The following DHX30 variants were observed in gnomAD, a reference collection of about 807,000 sequenced individuals.
The protein encoded by DHX30 is DExH-box helicase 30, also known as ATP-dependent RNA helicase DHX30.
DHX30 carries 4 observed loss-of-function variants against 116.9 expected under a neutral mutation model. The observed-to-expected ratio is 0.03, with a 90% confidence interval of 0.02 to 0.08. The LOEUF (loss-of-function observed/expected upper bound fraction) is 0.08, where lower values mean the gene tolerates loss of function less well. DHX30 is among the 10% of genes least tolerant of loss of function. The pLI is 1.00. For synonymous variants in DHX30, 697 were observed against 651.7 expected, an observed-to-expected ratio of 1.07 and a Z score of -1.06; for missense variants, 871 against 1,595.1, an observed-to-expected ratio of 0.55 and a Z score of 7.73.
At chr3:47,824,672 G>C (rs1463055029) in intron 4 of DHX30, 2 of 185,308 alleles carry the variant, frequency 1.1e-5, no homozygotes, top group Non-Finnish European at 1.1e-5. Context: ...GCACGTGAGA[G>C]GTAGTTAGGA....
intron 4 of DHX30, chr3:47,825,793 A>G (rs1037600249): frequency 6.6e-6 from 1 of 151,924 alleles, no homozygotes; most frequent in African/African-American, 2.4e-5. Flanking sequence ...CTATTGTTAA[A>G]CCAGTGGGTG....
rs768035126 is a variant in DHX30, at chr3:47,843,200, G to A, written c.884G>A (p.Arg295His). The change falls in exon 9 of 22, where the codon CGC becomes CAC. Residue 295 changes from arginine to histidine, a missense_variant. Around this residue, in one of 13 missense-constraint regions of DHX30, gnomAD observed 175 missense variants for 292.9 expected, o/e 0.60. Transcript: ENST00000445061. The part of the protein sequence containing the change: ...PCPMTFVAKG[R>H]RKAEAENKAA... ...CCCATGACCTTTGTTGCCAAAGGGCGCCGCAAAGCAGAGGCTGAGAATAAG... is the reference window on the plus strand; with the variant it reads ...CCCATGACCTTTGTTGCCAAAGGGCACCGCAAAGCAGAGGCTGAGAATAAG... The A allele has an allele frequency of 2.0e-5, 33 of 1,614,144 alleles. No homozygotes were observed. The highest frequency in any genetic ancestry group is 2.7e-5 in the Non-Finnish European group (32 of 1,180,054).
chr3:47,833,431 C>T (rs2036951415), intron 6 of DHX30, among the ~76,000 whole-genome samples: 1 of 146,556 alleles, frequency 6.8e-6, no homozygotes, highest in South Asian at 2.1e-4. Flanking sequence ...ACTTGGGAGG[C>T]TGAGGTGGGA....
At chr3:47,824,640 T>G (rs1576481013) in intron 4 of DHX30, 1 of 162,840 alleles carries the variant, frequency 6.1e-6, no homozygotes, top group Non-Finnish European at 1.3e-5. Flanking sequence ...TTAAATAAGA[T>G]GGGGCTGCCA....
At chr3:47,843,941 G>T (rs2037490996) in intron 9 of DHX30, among the ~76,000 whole-genome samples, 1 of 152,238 alleles carries the variant, frequency 6.6e-6, no homozygotes, top group Non-Finnish European at 1.5e-5. Flanking sequence ...GGCTCAATCA[G>T]TCTTTCTACC....
chr3:47,845,446 C>A, intron 9 of DHX30: 1 of 270,748 alleles, frequency 3.7e-6, no homozygotes, highest in Non-Finnish European at 6.7e-6. Flanking sequence ...CTCGGCCTCC[C>A]AAAGTGCTGG....
intron 3 of DHX30, among the ~76,000 whole-genome samples, chr3:47,814,254 G>A (rs1386345039): frequency 3.3e-5 from 5 of 149,312 alleles, no homozygotes; most frequent in South Asian, 2.1e-4. Flanking sequence ...GTGAAACCCC[G>A]TCTCTACTAA....
intron 4 of DHX30, among the ~76,000 whole-genome samples, chr3:47,823,456 C>T (rs866044806): frequency 2.0e-5 from 3 of 151,550 alleles, no homozygotes; most frequent in Non-Finnish European, 2.9e-5. Context: ...CTCCGCCTCC[C>T]GGGTTCAAGC....
In DHX30 at chr3:47,849,049, C is replaced by T. The variant is rs757409471; in HGVS notation, c.2899C>T (p.Leu967=). 3.7e-6 allele frequency: 6 copies of T among 1,612,480 alleles called. No individual in the cohort carries two copies. The South Asian group carries it at 4.4e-5, about 12-fold the overall frequency. Residue 967 remains leucine (L), a synonymous_variant, in exon 18 of 22, where the codon CTG becomes TTG. Transcript: ENST00000445061. The part of the protein sequence containing the change: ...SRENYLEENL[L]YAPSLRFIHG... The stretch of plus-strand genomic sequence containing the variant: ...GGAGAATTACCTGGAGGAAAACCTG[C>T]TGTACGCACCCAGCCTGCGCTTCAT...
At chr3:47,806,302 C>T (rs2035520259) in intron 2 of DHX30, among the ~76,000 whole-genome samples, 1 of 151,144 alleles carries the variant, frequency 6.6e-6, no homozygotes. Context: ...CACCACCACG[C>T]CTGGCTTATT....
At chr3:47,833,664 C>T (rs1420429155) in intron 6 of DHX30, among the ~76,000 whole-genome samples, 1 of 150,664 alleles carries the variant, frequency 6.6e-6, no homozygotes, top group Non-Finnish European at 1.5e-5. Context: ...TCGAGACCAG[C>T]TTGGCCAACA....
intron 9 of DHX30, among the ~76,000 whole-genome samples, chr3:47,845,271 T>C (rs1202480244): frequency 6.6e-6 from 1 of 152,120 alleles, no homozygotes; most frequent in African/African-American, 2.4e-5. Context: ...CACTGCAACC[T>C]GTGTCTCCAG....
intron 2 of DHX30, among the ~76,000 whole-genome samples, chr3:47,806,144 A>AT (rs779592393): frequency 0.011 from 1,042 of 97,842 alleles, 9 homozygotes; most frequent in Non-Finnish European, 0.016. Context: ...ATTTTTTTGT[A>AT]TTTTTTTTTT....
At chr3:47,832,429 G>A (rs1404603396) in intron 6 of DHX30, among the ~76,000 whole-genome samples, 1 of 152,072 alleles carries the variant, frequency 6.6e-6, no homozygotes, top group Middle Eastern at 3.2e-3. Flanking sequence ...TCCTGCCTCA[G>A]CTTCCAGGTA....
chr3:47,846,276 T>C lies in DHX30; in HGVS notation c.1204T>C (p.Tyr402His), dbSNP rs1476932221. The change falls in exon 11 of 22, where the codon TAT becomes CAT. Residue 402 changes from tyrosine (Y) to histidine (H), a missense_variant. Physicochemically the swap from Tyr to His is moderately conservative, Grantham distance 83 (BLOSUM62 2). Transcript: ENST00000445061. The part of the protein sequence containing the change: ...PLSDPITGKP[Y>H]VPLLEAEEVR... ...GAGTGACCCTATCACAGGCAAGCCC[T>C]ATGTGCCCCTGTTGGAAGCAGAGGA... The C allele has an allele frequency of 1.9e-6, 3 of 1,614,230 alleles. No individual in the cohort carries two copies. The highest frequency in any genetic ancestry group is 2.2e-5 in the East Asian group (1 of 44,890).
At chr3:47,824,551 C>T (rs1014805996) in intron 4 of DHX30, among the ~76,000 whole-genome samples, 6 of 151,802 alleles carry the variant, frequency 4.0e-5, no homozygotes, top group Non-Finnish European at 1.5e-5. Flanking sequence ...CTCAACCTCC[C>T]AAAGTGTTGG....
chr3:47,848,583 A>G lies in DHX30; in HGVS notation c.2575+33A>G, dbSNP rs907698722. 2 of 1,613,604 alleles carry G rather than the reference A, an allele frequency of 1.2e-6. No homozygotes were observed. The highest frequency in any genetic ancestry group is 1.3e-5 in the African/African-American group (1 of 74,788). ...GGGGCTGGGCTGGGCTGGGCTGGGGAGTGGCTCTCGAGGGTGGTACTGACA... is the reference window on the plus strand; with the variant it reads ...GGGGCTGGGCTGGGCTGGGCTGGGGGGTGGCTCTCGAGGGTGGTACTGACA... On this transcript the variant is annotated intron_variant, in intron 16 of 21. Coordinates refer to ENST00000445061, the MANE Select transcript of DHX30 (RefSeq NM_138615.3). The surrounding 1 kb of genome is among the most constrained non-coding windows in gnomAD (Gnocchi z 9.4).
At chr3:47,836,152 C>T (rs2037104221) in intron 6 of DHX30, among the ~76,000 whole-genome samples, 1 of 152,208 alleles carries the variant, frequency 6.6e-6, no homozygotes, top group Admixed American at 6.5e-5. Context: ...GAGTCTTTCT[C>T]TTTCGCCCAG....
intron 1 of DHX30, among the ~76,000 whole-genome samples, chr3:47,804,238 T>G (rs976471566): frequency 3.3e-5 from 5 of 152,216 alleles, no homozygotes; most frequent in African/African-American, 1.2e-4. Context: ...TTCAAGTGTT[T>G]TAATTTATGT....
Sources: allele counts gnomAD v4.1 joint callset (sites outside exome capture counted in the v4.1 genomes callset), GRCh38; gene constraint gnomAD v4.1.1; regional missense constraint gnomAD v4.1.1; non-coding constraint Gnocchi (gnomAD v3.1); transcripts MANE v1.5; gene names NCBI Gene and HGNC (gene_info 2026-07-23, HGNC 2026-07-21).